FHIT: variants seen among roughly 807,000 people sequenced by gnomAD.
The protein encoded by FHIT is bis(5'-adenosyl)-triphosphatase.
A neutral mutation model predicts 17.9 loss-of-function variants in FHIT; 19 were observed. That is an observed-to-expected ratio of 1.06 (90% CI 0.74 to 1.56). FHIT has a LOEUF of 1.56. FHIT is among the 40% of genes most tolerant of loss of function. FHIT has a pLI of 0.00. For synonymous variants in FHIT, 81 were observed against 69.7 expected (o/e 1.16, Z -0.81); for missense variants, 248 against 189.2 (o/e 1.31, Z -1.82).
intron 5 of FHIT, among the ~76,000 whole-genome samples, chr3:60,381,115 G>A (rs1700782046): frequency 6.6e-6 from 1 of 152,044 alleles, no homozygotes. Flanking sequence ...CCCATATATT[G>A]TATTCCCGCG....
intron 1 of FHIT, among the ~76,000 whole-genome samples, chr3:61,236,342 T>A (rs2040231989): frequency 6.6e-6 from 1 of 151,472 alleles, no homozygotes; most frequent in African/African-American, 2.4e-5. Context: ...ACCTGCCAAA[T>A]GCAGCTCTAG....
At chr3:61,177,768 T>C (rs1435706452) in intron 2 of FHIT, among the ~76,000 whole-genome samples, 1 of 152,104 alleles carries the variant, frequency 6.6e-6, no homozygotes, top group African/African-American at 2.4e-5. Context: ...GGCCAAAAAT[T>C]ATTAGAAAAC....
chr3:60,366,533 G>T (rs905112571), intron 5 of FHIT, among the ~76,000 whole-genome samples: 20 of 152,298 alleles, frequency 1.3e-4, no homozygotes, highest in African/African-American at 4.3e-4. Context: ...CTCTAACAGT[G>T]ATTAGGTTAT....
intron 8 of FHIT, among the ~76,000 whole-genome samples, chr3:59,875,255 C>T (rs200637326): frequency 2.0e-5 from 3 of 152,224 alleles, no homozygotes; most frequent in East Asian, 3.9e-4. Context: ...GGAAAGCAAT[C>T]TACACGCTGG....
chr3:60,125,923 C>A (rs1027252456), intron 5 of FHIT, among the ~76,000 whole-genome samples: 1 of 152,144 alleles, frequency 6.6e-6, no homozygotes, highest in African/African-American at 2.4e-5. Flanking sequence ...TTGTGTGAAA[C>A]ACTGTGACAG....
At chr3:61,233,766 C>G (rs1339079348) in intron 1 of FHIT, among the ~76,000 whole-genome samples, 2 of 152,146 alleles carry the variant, frequency 1.3e-5, no homozygotes, top group Admixed American at 1.3e-4. Context: ...TCTCATTCAT[C>G]TCTCTGTCCT....
intron 5 of FHIT, among the ~76,000 whole-genome samples, chr3:60,284,758 G>A (rs1400276435): frequency 6.6e-6 from 1 of 151,974 alleles, no homozygotes; most frequent in Non-Finnish European, 1.5e-5. Context: ...ATATGACCCT[G>A]GTTAACAAAA....
rs753836669 is a variant in FHIT, at chr3:59,752,214, T to C, written c.*5+7A>G. 6.2e-7 allele frequency: 1 copy of C among 1,605,828 alleles called. No individual in the cohort carries two copies. ...GGGTCTGGGTAATGACGAAATGCAG[T>C]CTTTACCTGTGTCACTGAAAGTAGA... is the stretch of plus-strand genomic sequence containing the variant. On this transcript the variant is annotated splice_region_variant and intron_variant, in intron 9 of 9. Transcript: ENST00000492590.
intron 8 of FHIT, among the ~76,000 whole-genome samples, chr3:59,915,868 G>T (rs1705110834): frequency 6.6e-6 from 1 of 151,490 alleles, no homozygotes; most frequent in African/African-American, 2.4e-5. Flanking sequence ...GGGGTTTGAG[G>T]CTGTAGTGAG....
intron 5 of FHIT, among the ~76,000 whole-genome samples, chr3:60,166,040 C>T (rs916780692): frequency 6.6e-6 from 1 of 152,056 alleles, no homozygotes; most frequent in Non-Finnish European, 1.5e-5. Flanking sequence ...ATTTTTCTCA[C>T]ATTCATCAAG....
intron 4 of FHIT, among the ~76,000 whole-genome samples, chr3:60,547,786 G>C (rs941414487): frequency 3.3e-5 from 5 of 150,406 alleles, no homozygotes; most frequent in African/African-American, 9.7e-5. Context: ...GTGACTCAGT[G>C]GATGTGTTCA....
chr3:59,871,855 G>A (rs926003890), intron 8 of FHIT, among the ~76,000 whole-genome samples: 2 of 152,204 alleles, frequency 1.3e-5, no homozygotes, highest in East Asian at 3.8e-4. Flanking sequence ...GAAACTAGCT[G>A]ACATTTTGGA....
intron 3 of FHIT, among the ~76,000 whole-genome samples, chr3:60,940,783 C>G (rs1553774304): frequency 6.6e-6 from 1 of 152,162 alleles, no homozygotes; most frequent in African/African-American, 2.4e-5. Flanking sequence ...CAGTGCTTCA[C>G]AAACTATTTA....
intron 5 of FHIT, among the ~76,000 whole-genome samples, chr3:60,130,997 A>G (rs1576169058): frequency 7.2e-6 from 1 of 138,978 alleles, no homozygotes; most frequent in East Asian, 2.1e-4. Context: ...ATATACACAT[A>G]TATACATATG....
chr3:60,872,532 C>G (rs573678007), intron 3 of FHIT, among the ~76,000 whole-genome samples: 1 of 152,232 alleles, frequency 6.6e-6, no homozygotes, highest in African/African-American at 2.4e-5. Flanking sequence ...ATACATTACT[C>G]TCTGCATTTT....
At chr3:60,223,587 C>G (rs770083818) in intron 5 of FHIT, among the ~76,000 whole-genome samples, 2 of 152,290 alleles carry the variant, frequency 1.3e-5, no homozygotes, top group South Asian at 2.1e-4. Flanking sequence ...TGAAAACAAG[C>G]TGAGCCTTCT....
At chr3:60,461,582 C>T (rs952525515) in intron 5 of FHIT, among the ~76,000 whole-genome samples, 3 of 152,162 alleles carry the variant, frequency 2.0e-5, no homozygotes. Flanking sequence ...GTACAGACAA[C>T]GCAGCTGTCC....
intron 5 of FHIT, among the ~76,000 whole-genome samples, chr3:60,533,518 G>C (rs2035864237): frequency 6.6e-6 from 1 of 152,238 alleles, no homozygotes; most frequent in South Asian, 2.1e-4. Flanking sequence ...ACCTGGAACA[G>C]AGTATGAGCT....
chr3:61,219,679 A>T (rs1011352611), intron 1 of FHIT, among the ~76,000 whole-genome samples: 1 of 152,128 alleles, frequency 6.6e-6, no homozygotes. Context: ...GAATCCAAAT[A>T]CTTTGGGCTT....
Sources: allele counts gnomAD v4.1 joint callset (sites outside exome capture counted in the v4.1 genomes callset), GRCh38; gene constraint gnomAD v4.1.1; transcripts MANE v1.5; gene names NCBI Gene and HGNC (gene_info 2026-07-23, HGNC 2026-07-21).